The following CREB5 variants were observed in gnomAD, a reference collection of about 807,000 sequenced individuals.
The protein encoded by CREB5 is cyclic AMP-responsive element-binding protein 5.
CREB5 carries 19 observed loss-of-function variants against 57.1 expected under a neutral mutation model. The ratio of observed to expected loss-of-function variants is 0.33; its 90% CI spans 0.23 to 0.49. The LOEUF (loss-of-function observed/expected upper bound fraction) is 0.49, where lower values mean the gene tolerates loss of function less well. CREB5 is among the 20% of genes least tolerant of loss of function. The pLI is 0.99. For synonymous variants in CREB5, 238 were observed against 238.3 expected, an observed-to-expected ratio of 1.00 and a Z score of 0.01; for missense variants, 579 against 671.6, an observed-to-expected ratio of 0.86 and a Z score of 1.52.
chr7:28,306,546 G>GTTTTTTGTTTTTTT (rs1785187073), intron 1 of CREB5, among the ~76,000 whole-genome samples: 15 of 93,490 alleles, frequency 1.6e-4, no homozygotes, highest in South Asian at 3.8e-4. Context: ...ATACAGTTTT[G>GTTTTTTGTTTTTTT]TTTTTTTTGT....
intron 1 of CREB5, among the ~76,000 whole-genome samples, chr7:28,413,165 GCATATGAA>G (rs1787875749): frequency 6.6e-6 from 1 of 150,962 alleles, no homozygotes; most frequent in Non-Finnish European, 1.5e-5. Flanking sequence ...ATGTTCAGAA[GCATATGAA>G]CTACAGTGGG....
At chr7:28,712,962 G>C (rs950920261) in intron 5 of CREB5, among the ~76,000 whole-genome samples, 1 of 151,628 alleles carries the variant, frequency 6.6e-6, no homozygotes, top group Admixed American at 6.6e-5. Context: ...TCCTGTCCCA[G>C]ACAAAAAAAA....
intron 4 of CREB5, among the ~76,000 whole-genome samples, chr7:28,555,205 G>T (rs1398697942): frequency 6.6e-6 from 1 of 151,862 alleles, no homozygotes; most frequent in African/African-American, 2.4e-5. Flanking sequence ...AGAATAAATG[G>T]AGCAACATAC....
chr7:28,541,522 C>T (rs1307008042), intron 4 of CREB5, among the ~76,000 whole-genome samples: 3 of 152,118 alleles, frequency 2.0e-5, no homozygotes, highest in Admixed American at 2.0e-4. Flanking sequence ...CAAAAATTAG[C>T]TGGGCGTGGT....
chr7:28,359,113 T>C (rs1350477822), intron 1 of CREB5, among the ~76,000 whole-genome samples: 1 of 151,438 alleles, frequency 6.6e-6, no homozygotes, highest in Non-Finnish European at 1.5e-5. Context: ...AAAACTGTGG[T>C]AGGTGGAAAA....
At chr7:28,806,079 G>A (rs988814481) in intron 8 of CREB5, among the ~76,000 whole-genome samples, 6 of 151,820 alleles carry the variant, frequency 4.0e-5, no homozygotes, top group Admixed American at 6.6e-5. Flanking sequence ...ATAAGGAAAC[G>A]AGAACATCAA....
Position 28,804,330 on chromosome 7 carries a change from G to T in CREB5, c.834G>T (p.Pro278=). ...CACACCATCACATGCACTCGCACCC[G>T]CATCAGCACCAGACACTGCCACCCC... ...QTPHHHMHSH[P]HQHQTLPPHH... The change falls in exon 8 of 11, where the codon CCG becomes CCT. Residue 278 remains proline, a synonymous_variant. Coordinates refer to ENST00000357727, the MANE Select transcript of CREB5 (RefSeq NM_182898.4). The T allele has an allele frequency of 6.2e-7, 1 of 1,613,390 alleles. No individual in the cohort carries two copies. The highest frequency in any genetic ancestry group is 8.5e-7 in the Non-Finnish European group (1 of 1,179,724).
intron 1 of CREB5, among the ~76,000 whole-genome samples, chr7:28,421,930 GTA>G (rs1451044594): frequency 5.8e-5 from 2 of 34,196 alleles, no homozygotes; most frequent in Non-Finnish European, 1.0e-4. Flanking sequence ...GTGTGTATGT[GTA>G]TATATATATA....
At position 28,473,788 on chromosome 7, in the gene CREB5, GC is replaced by G. The variant is rs539464236; in HGVS notation, c.4-14384del. 1.2e-4 allele frequency among the ~76,000 whole-genome samples: 18 copies of G among 152,338 alleles called. No homozygotes were observed. In the South Asian group the frequency reaches 3.7e-3, roughly 32 times the overall value. ...TGTCCCATGTCTGGAAGGGCCCAGT[GC>G]CCGGCTTATTTGGCCAGATGTTCTT... On this transcript the variant is annotated intron_variant, in intron 1 of 10. Transcript: ENST00000357727.
At chr7:28,664,658 T>C (rs1181945768) in intron 5 of CREB5, among the ~76,000 whole-genome samples, 1 of 152,202 alleles carries the variant, frequency 6.6e-6, no homozygotes, top group Non-Finnish European at 1.5e-5. Flanking sequence ...TCCTGAAGTA[T>C]GCCACAGGAG....
At chr7:28,683,666 G>A (rs965863628) in intron 5 of CREB5, among the ~76,000 whole-genome samples, 5 of 152,164 alleles carry the variant, frequency 3.3e-5, no homozygotes, top group Non-Finnish European at 5.9e-5. Context: ...AATGATGCTG[G>A]CGGGTCTCAT....
chr7:28,496,267 T>C (rs1388909179), intron 3 of CREB5, among the ~76,000 whole-genome samples: 5 of 152,258 alleles, frequency 3.3e-5, no homozygotes, highest in African/African-American at 1.2e-4. Flanking sequence ...CCTATGGATA[T>C]GTTTTAAATG....
chr7:28,569,573 G>A (rs887178348), intron 4 of CREB5, among the ~76,000 whole-genome samples: 2 of 152,112 alleles, frequency 1.3e-5, no homozygotes, highest in Non-Finnish European at 2.9e-5. Flanking sequence ...TCTTTCACTG[G>A]TTTATTCATG....
intron 7 of CREB5, among the ~76,000 whole-genome samples, chr7:28,740,172 G>C (rs1804253627): frequency 6.6e-6 from 1 of 152,130 alleles, no homozygotes; most frequent in Admixed American, 6.5e-5. Flanking sequence ...AAGGGAACTA[G>C]GAAACATTTC....
intron 4 of CREB5, among the ~76,000 whole-genome samples, chr7:28,527,881 G>A (rs1439699682): frequency 6.6e-6 from 1 of 152,130 alleles, no homozygotes; most frequent in Non-Finnish European, 1.5e-5. Context: ...TTGAAGCCAG[G>A]ATCTTGTGGA....
chr7:28,432,393 G>A (rs1451920704), intron 1 of CREB5, among the ~76,000 whole-genome samples: 7 of 152,150 alleles, frequency 4.6e-5, no homozygotes, highest in Admixed American at 1.3e-4. Context: ...TATGGCTGTC[G>A]CTCGTACGCA....
intron 5 of CREB5, among the ~76,000 whole-genome samples, chr7:28,618,034 G>T (rs73684216): frequency 0.019 from 2,908 of 152,268 alleles, 102 homozygotes; most frequent in African/African-American, 0.067. Context: ...AAAGCTTTAT[G>T]AGAACGTGAT....
chr7:28,395,844 C>A (rs1361616673), intron 1 of CREB5, among the ~76,000 whole-genome samples: 2 of 151,218 alleles, frequency 1.3e-5, no homozygotes, highest in Non-Finnish European at 2.9e-5. Context: ...CCTCAGAAAT[C>A]AGATTGGCAA....
At chr7:28,360,206 A>T (rs992822571) in intron 1 of CREB5, among the ~76,000 whole-genome samples, 1 of 152,234 alleles carries the variant, frequency 6.6e-6, no homozygotes, top group Non-Finnish European at 1.5e-5. Flanking sequence ...ATGGTCCACA[A>T]TCTACTTCTG....
Sources: gnomAD v4.1 joint callset for allele counts (sites outside exome capture counted in the v4.1 genomes callset) on GRCh38, gnomAD v4.1.1 for gene constraint, MANE v1.5 for transcripts, NCBI Gene and HGNC (gene_info 2026-07-23, HGNC 2026-07-21) for gene names.